LRPPRC: variants seen among roughly 807,000 people sequenced by gnomAD.
The protein encoded by LRPPRC is leucine-rich PPR motif-containing protein, mitochondrial.
LRPPRC carries 120 observed loss-of-function variants against 180.3 expected under a neutral mutation model. The ratio of observed to expected loss-of-function variants is 0.67; its 90% CI spans 0.57 to 0.77. The LOEUF is 0.77. Ranked by LOEUF, LRPPRC falls within the 30% of genes least tolerant of loss-of-function variation. The pLI, the probability that LRPPRC is intolerant of heterozygous loss-of-function variation, is 0.00. For missense variants in LRPPRC, 2,012 were observed against 1,657.2 expected, an observed-to-expected ratio of 1.21 and a Z score of -3.72; for synonymous variants, 723 against 600.0, an observed-to-expected ratio of 1.21 and a Z score of -3.00.
chr2:43,974,280 A>G lies in LRPPRC; in HGVS notation c.1025T>C (p.Ile342Thr). ...CAATTTTTCAGTGACTAAAAGTAAA[A>G]TGAGGTTCATTGCATCTGGGAAGAA... ...RRYIPDAMNL[I>T]LLLVTEKLED... Residue 342 changes from isoleucine (I) to threonine (T), a missense_variant, in exon 9 of 38, where the codon ATT becomes ACT. Transcript: ENST00000260665. The G allele has an allele frequency of 6.2e-7, 1 of 1,611,844 alleles. No individual in the cohort carries two copies. The highest frequency in any genetic ancestry group is 8.5e-7 in the Non-Finnish European group (1 of 1,177,888).
rs111392631 is a variant in LRPPRC, at chr2:43,912,425, C to T, written c.3275+7G>A. 406 of 1,608,624 alleles carry T rather than the reference C, an allele frequency of 2.5e-4. No individual in the cohort carries two copies. The African/African-American group carries it at 4.6e-3, about 18-fold the overall frequency. ...ACAAGAGGTTTAATAAATGGACTAA[C>T]ACTTACAATGCTTTCACTTCCATTG... On this transcript the variant is annotated splice_region_variant and intron_variant, in intron 30 of 37. Transcript: ENST00000260665.
chr2:43,893,059 G>A (rs1272004484), intron 36 of LRPPRC, among the ~76,000 whole-genome samples: 1 of 152,174 alleles, frequency 6.6e-6, no homozygotes, highest in Non-Finnish European at 1.5e-5. Flanking sequence ...TGCAGATGTG[G>A]AAATAGCAAG....
intron 31 of LRPPRC, 49 bp downstream of exon 31, chr2:43,905,643 A>G (rs375758936): frequency 1.1e-5 from 15 of 1,341,218 alleles, no homozygotes; most frequent in Non-Finnish European, 1.6e-5. Context: ...TTACAAGAAA[A>G]ATCTGCAGAG....
At chr2:43,961,952 G>A (rs1356143528) in intron 12 of LRPPRC, among the ~76,000 whole-genome samples, 1 of 152,166 alleles carries the variant, frequency 6.6e-6, no homozygotes, top group East Asian at 1.9e-4. Flanking sequence ...GACAGAGCAA[G>A]ACTCTGCCTC....
intron 22 of LRPPRC, among the ~76,000 whole-genome samples, chr2:43,944,111 A>G (rs576572687): frequency 9.6e-4 from 146 of 152,182 alleles, no homozygotes; most frequent in Non-Finnish European, 1.5e-3. Flanking sequence ...CAAATTATAG[A>G]TAGGGACTAT....
intron 12 of LRPPRC, among the ~76,000 whole-genome samples, chr2:43,963,238 A>T (rs1320067390): frequency 6.6e-6 from 1 of 152,122 alleles, no homozygotes; most frequent in East Asian, 1.9e-4. Context: ...TGAGGTCGGG[A>T]GTTTGAGTCC....
chr2:43,950,520 T>C (rs1279057706), intron 15 of LRPPRC, 53 bp downstream of exon 15: 31 of 1,463,702 alleles, frequency 2.1e-5, no homozygotes, highest in Non-Finnish European at 2.8e-5. Context: ...ACCTATGGTA[T>C]TGGCTTGTAA....
rs929135954 is a variant in LRPPRC at position 43,888,050 on chromosome 2, A to G, written c.*550T>C. 3.8e-5 allele frequency: 6 copies of G among 156,788 alleles called. No homozygotes were observed. The highest frequency in any genetic ancestry group is 1.4e-4 in the African/African-American group (6 of 41,478). 9.7% of individuals were successfully genotyped at this position (156,788 alleles called of 1,614,324 possible). On this transcript the variant is annotated 3_prime_UTR_variant, in exon 38 of 38. Coordinates refer to ENST00000260665, the MANE Select transcript of LRPPRC (RefSeq NM_133259.4). ...GGCATGACAGACAGTCCCCTGACCA[A>G]GCACAAGTAACAGGCCCTTTGGGTC...
intron 37 of LRPPRC, among the ~76,000 whole-genome samples, 172 bp from the exon 38 acceptor site, chr2:43,888,828 AG>A (rs1216592036): frequency 6.6e-6 from 1 of 150,442 alleles, no homozygotes; most frequent in Non-Finnish European, 1.5e-5. Flanking sequence ...CACAAGTTCA[AG>A]GGCCTCGGGT....
At chr2:43,949,455 T>C (rs1672814319) in intron 16 of LRPPRC, 147 bp downstream of exon 16, 3 of 692,288 alleles carry the variant, frequency 4.3e-6, no homozygotes, top group Admixed American at 2.1e-5. Context: ...TCTCAAAATG[T>C]TGTAATCAAT....
chr2:43,887,649 A>AAGAC lies in LRPPRC; in HGVS notation c.*947_*950dup, dbSNP rs1336325081. The stretch of plus-strand genomic sequence containing the variant: ...AGTTAGGTCAATATTCCATATTATT[A>AAGAC]AGACACCTTTTATAATGGCAAACTC... On this transcript the variant is annotated 3_prime_UTR_variant, in exon 38 of 38. Transcript: ENST00000260665. 5 of 152,218 alleles carry AAGAC rather than the reference A, an allele frequency of 3.3e-5. No individual in the cohort carries two copies. Among genetic ancestry groups the AAGAC allele is most frequent in the African/African-American group, 1.2e-4 (5 of 41,448 alleles). The allele number at this position is 152,218 out of a possible 1,614,324, so 9.4% of individuals were successfully genotyped here. A position where few individuals can be genotyped will look rare whatever the true frequency, so the allele number is the denominator to read the frequency against.
At position 43,886,390 on chromosome 2, in the gene LRPPRC, C is replaced by T. The variant is rs932085563; in HGVS notation, c.*2210G>A. ...TTGAGTGTAAATGTATTACAGAAAG[C>T]TGCTAAATTGTTTATATTTCTACTT... On this transcript the variant is annotated 3_prime_UTR_variant, in exon 38 of 38. Transcript: ENST00000260665. 6.6e-6 allele frequency: 1 copy of T among 152,126 alleles called. No homozygotes were observed. Among genetic ancestry groups the T allele is most frequent in the Non-Finnish European group, 1.5e-5 (1 of 68,032 alleles). 9.4% of individuals were successfully genotyped at this position (152,126 alleles called of 1,614,324 possible). A position where few individuals can be genotyped will look rare whatever the true frequency, so the allele number is the denominator to read the frequency against.
intron 1 of LRPPRC, among the ~76,000 whole-genome samples, chr2:43,993,117 G>A (rs745716780): frequency 5.3e-5 from 8 of 152,108 alleles, no homozygotes; most frequent in Non-Finnish European, 1.2e-4. Flanking sequence ...TCTCATGAAG[G>A]GGAAAATGGA....
chr2:43,945,285 T>G (rs1245220227), intron 22 of LRPPRC, 47 bp downstream of exon 22: 6 of 1,211,480 alleles, frequency 5.0e-6, no homozygotes, highest in Admixed American at 3.4e-5. Context: ...GTTATTCCAG[T>G]GGCAAGATAC....
chr2:43,968,464 G>C (rs1346923784), intron 11 of LRPPRC, among the ~76,000 whole-genome samples: 2 of 152,172 alleles, frequency 1.3e-5, no homozygotes, highest in African/African-American at 2.4e-5. Flanking sequence ...CAAGATTGCA[G>C]ACAACAGAAC....
At chr2:43,985,892 T>C (rs1674507763) in intron 1 of LRPPRC, among the ~76,000 whole-genome samples, 2 of 152,358 alleles carry the variant, frequency 1.3e-5, no homozygotes, top group Middle Eastern at 3.4e-3. Flanking sequence ...TATCAAACTA[T>C]CTTCCAAAAT....
chr2:43,899,113 C>A (rs553630660), intron 34 of LRPPRC, 106 bp downstream of exon 34: 8 of 775,184 alleles, frequency 1.0e-5, no homozygotes, highest in Admixed American at 5.9e-5. Flanking sequence ...TAGCTGCACA[C>A]CACACTGAAT....
At chr2:43,969,839 TA>T (rs1673725564) in intron 11 of LRPPRC, among the ~76,000 whole-genome samples, 1 of 152,074 alleles carries the variant, frequency 6.6e-6, no homozygotes, top group African/African-American at 2.4e-5. Flanking sequence ...CTCGCTCGGC[TA>T]ATTTTTCTAT....
At chr2:43,990,405 C>A (rs12989909) in intron 1 of LRPPRC, among the ~76,000 whole-genome samples, 52,737 of 151,914 alleles carry the variant, frequency 0.35, 9,959 homozygotes, top group Non-Finnish European at 0.43. Flanking sequence ...TTTGCAATAC[C>A]AGTGTTGTTC....
Sources: allele counts gnomAD v4.1 joint callset (sites outside exome capture counted in the v4.1 genomes callset), GRCh38; gene constraint gnomAD v4.1.1; transcripts MANE v1.5; gene names NCBI Gene and HGNC (gene_info 2026-07-23, HGNC 2026-07-21).